STAT5B: variants seen among roughly 807,000 people sequenced by gnomAD.
The protein encoded by STAT5B is signal transducer and activator of transcription 5B.
STAT5B carries 21 observed loss-of-function variants against 107.8 expected under a neutral mutation model. The ratio of observed to expected loss-of-function variants is 0.19; its 90% CI spans 0.14 to 0.28. STAT5B has a LOEUF of 0.28. Ranked by LOEUF, STAT5B falls within the 10% of genes least tolerant of loss-of-function variation. The probability of loss-of-function intolerance (pLI) is 1.00; values close to 1 mark genes in which losing one functional copy is unlikely to be tolerated. For synonymous variants in STAT5B, 325 were observed against 401.7 expected, an observed-to-expected ratio of 0.81 and a Z score of 2.28; for missense variants, 565 against 1,008.2, an observed-to-expected ratio of 0.56 and a Z score of 5.95.
intron 16 of STAT5B, among the ~76,000 whole-genome samples, chr17:42,204,641 G>T (rs972082945): frequency 3.3e-5 from 5 of 152,212 alleles, no homozygotes; most frequent in Non-Finnish European, 1.5e-5. Flanking sequence ...CTGAGACAGG[G>T]TCTTACTCTG....
rs1392493617 is a variant in STAT5B, at chr17:42,219,341, G to C, written c.804C>G (p.Pro268=). 6.8e-7 allele frequency: 1 copy of C among 1,467,478 alleles called. No homozygotes were observed. The highest frequency in any genetic ancestry group is 1.4e-5 in the African/African-American group (1 of 70,306). The allele number at this position is 1,467,478 out of a possible 1,614,324, so 90.9% of individuals were successfully genotyped here. ...ACTGTAGCACGTCCAGGCTGCCCTC[G>C]GGGGGCCCGCCGTTCCCGGCCAGCT... The part of the protein sequence containing the change: ...RQQLAGNGGP[P]EGSLDVLQSW... Residue 268 remains proline, a synonymous_variant, in exon 7 of 19, where the codon CCC becomes CCG. Transcript: ENST00000293328.
intron 15 of STAT5B, among the ~76,000 whole-genome samples, chr17:42,209,601 G>A (rs889262009): frequency 2.6e-5 from 4 of 152,118 alleles, no homozygotes; most frequent in Non-Finnish European, 4.4e-5. Context: ...CCAGCTAATC[G>A]GGAGGCTAAG....
At chr17:42,237,954 G>A (rs867485312) in intron 1 of STAT5B, among the ~76,000 whole-genome samples, 5 of 152,256 alleles carry the variant, frequency 3.3e-5, no homozygotes, top group Middle Eastern at 3.4e-3. Flanking sequence ...TGTTCTTACT[G>A]TTACCTTAAA....
the STAT5B span, among the ~76,000 whole-genome samples, chr17:42,282,994 C>T: frequency 2.0e-5 from 3 of 151,840 alleles, no homozygotes; most frequent in East Asian, 3.9e-4. Flanking sequence ...ACTTAAGAAA[C>T]GAAGAAACAA....
At position 42,273,449 on chromosome 17, in the gene STAT5B, T is replaced by G. The variant is rs117831714; in HGVS notation, c.-11+2799A>C. Among the ~76,000 whole-genome samples the G allele has an allele frequency of 5.3e-3, 814 of 152,312 alleles. 4 individuals carry two copies. The highest frequency in any genetic ancestry group is 0.014 in the South Asian group (70 of 4,832). On this transcript the variant is annotated intron_variant, in intron 1 of 18. Transcript: ENST00000293328. ...AGTCCAGTAACCTGGAATTGCCAGATAGCTTTTTAAACGAATAAGTTTCAA... is the reference window on the plus strand; with the variant it reads ...AGTCCAGTAACCTGGAATTGCCAGAGAGCTTTTTAAACGAATAAGTTTCAA...
rs575146087 is a variant in STAT5B, at chr17:42,254,360, A to G, written c.-11+21888T>C. Among the ~76,000 whole-genome samples the G allele has an allele frequency of 2.6e-4, 40 of 152,268 alleles. No individual in the cohort carries two copies. The South Asian group carries it at 6.8e-3, about 26-fold the overall frequency. ...GCACCACTGCACTCTGTCTCTTAAA[A>G]AATAATAATAATAAAGTAGTCTACA... is the stretch of plus-strand genomic sequence containing the variant. On this transcript the variant is annotated intron_variant, in intron 1 of 18. Coordinates refer to ENST00000293328, the MANE Select transcript of STAT5B (RefSeq NM_012448.4).
chr17:42,276,010 G>A lies in STAT5B; in HGVS notation c.-11+238C>T, dbSNP rs941510354. 2.1e-3 allele frequency among the ~76,000 whole-genome samples: 314 copies of A among 151,438 alleles called. 2 individuals are homozygous for A. The highest frequency in any genetic ancestry group is 1.7e-3 in the Non-Finnish European group (117 of 67,716). On this transcript the variant is annotated intron_variant, in intron 1 of 18. Coordinates refer to ENST00000293328, the MANE Select transcript of STAT5B (RefSeq NM_012448.4). This position sits in a 1 kb window ranked among gnomAD's most constrained non-coding sequence, Gnocchi z 4.8. ...AGCGCACGCCCCCCGCGGCGCCGCG[G>A]CGTTCGCAAGTCCCCCTCGCGCACC...
chr17:42,226,065 G>C (rs1436090841), intron 3 of STAT5B, among the ~76,000 whole-genome samples: 3 of 152,160 alleles, frequency 2.0e-5, no homozygotes, highest in Non-Finnish European at 4.4e-5. Flanking sequence ...CTCCCAAGTA[G>C]CTGGGATTAC....
intron 5 of STAT5B, 50 bp from the exon 6 acceptor site, chr17:42,219,892 G>C: frequency 6.2e-7 from 1 of 1,613,546 alleles, no homozygotes; most frequent in Non-Finnish European, 8.5e-7. Context: ...GTGTCCAACA[G>C]GAGGCCCAGA....
At chr17:42,237,171 A>T (rs1191814632) in intron 1 of STAT5B, among the ~76,000 whole-genome samples, 3 of 152,180 alleles carry the variant, frequency 2.0e-5, no homozygotes, top group Non-Finnish European at 2.9e-5. Context: ...TAAAGCACCT[A>T]CCTCAACCTT....
chr17:42,277,789 T>A (rs1452871727), upstream of STAT5B, among the ~76,000 whole-genome samples: 3 of 150,718 alleles, frequency 2.0e-5, no homozygotes, highest in African/African-American at 4.9e-5. Context: ...GGAGTCTCTC[T>A]CTGTTGCCCA....
At chr17:42,280,555 T>C (rs2080791433), upstream of STAT5B, among the ~76,000 whole-genome samples, 1 of 152,066 alleles carries the variant, frequency 6.6e-6, no homozygotes, top group Non-Finnish European at 1.5e-5. Context: ...CGGCCACACA[T>C]TTGCTAAGAA....
At chr17:42,215,976 T>A in intron 12 of STAT5B, 38 bp downstream of exon 12, 1 of 1,603,456 alleles carries the variant, frequency 6.2e-7, no homozygotes, top group Non-Finnish European at 8.5e-7. Flanking sequence ...GACACCGGCA[T>A]TGATTTTGGG....
intron 1 of STAT5B, among the ~76,000 whole-genome samples, chr17:42,262,974 A>G (rs868182988): frequency 0.032 from 753 of 23,824 alleles, no homozygotes; most frequent in Non-Finnish European, 0.039. Flanking sequence ...GTGTGTGTAT[A>G]TATATATATA....
At chr17:42,266,808 C>T (rs1403236077) in intron 1 of STAT5B, among the ~76,000 whole-genome samples, 2 of 152,132 alleles carry the variant, frequency 1.3e-5, no homozygotes, top group East Asian at 3.9e-4. Flanking sequence ...ACTCAGGAAG[C>T]CAAATATTTT....
intron 5 of STAT5B, 50 bp downstream of exon 5, chr17:42,223,332 T>G: frequency 6.2e-7 from 1 of 1,613,440 alleles, no homozygotes; most frequent in South Asian, 1.1e-5. Context: ...TGCTTTCCAG[T>G]CCCCAGGCCC....
chr17:42,205,676 GA>G (rs1201231986), intron 16 of STAT5B, among the ~76,000 whole-genome samples: 2 of 152,192 alleles, frequency 1.3e-5, no homozygotes, highest in Non-Finnish European at 2.9e-5. Flanking sequence ...TTGGGGGACT[GA>G]GGAAGGAACA....
rs542452702 is a variant in STAT5B, at chr17:42,200,797, A to C, written c.*941T>G. ...AAAGCATCATCAATAAGCCTGAAGA[A>C]GGCCACGGACTGTGCATCCGCTGGC... is the stretch of plus-strand genomic sequence containing the variant. On this transcript the variant is annotated 3_prime_UTR_variant, in exon 19 of 19. Coordinates refer to ENST00000293328, the MANE Select transcript of STAT5B (RefSeq NM_012448.4). 1.0e-4 allele frequency: 36 copies of C among 344,662 alleles called. No individual in the cohort carries two copies. Among genetic ancestry groups the C allele is most frequent in the Non-Finnish European group, 1.4e-4 (27 of 192,170 alleles). 21.4% of individuals were successfully genotyped at this position (344,662 alleles called of 1,614,324 possible).
the STAT5B span, among the ~76,000 whole-genome samples, chr17:42,286,344 G>A: frequency 6.6e-6 from 1 of 151,996 alleles, no homozygotes; most frequent in Admixed American, 6.6e-5. Context: ...CAAGGGCACA[G>A]CCACTGGGCA....
Sources: allele counts gnomAD v4.1 joint callset (sites outside exome capture counted in the v4.1 genomes callset), GRCh38; gene constraint gnomAD v4.1.1; non-coding constraint Gnocchi (gnomAD v3.1); transcripts MANE v1.5; gene names NCBI Gene and HGNC (gene_info 2026-07-23, HGNC 2026-07-21).